Variants in GLDC observed in about 807,000 individuals in gnomAD.
The protein encoded by GLDC is glycine decarboxylase.
In GLDC, 104 loss-of-function variants were observed where a neutral mutation model predicts 121.3. The observed-to-expected ratio is 0.86, with a 90% CI of 0.73 to 1.01. The LOEUF (loss-of-function observed/expected upper bound fraction) is 1.01, where lower values mean the gene tolerates loss of function less well. GLDC is among the 50% of genes least tolerant of loss of function. The pLI, the probability that GLDC is intolerant of heterozygous loss-of-function variation, is 0.00. For missense variants in GLDC, 1,429 were observed against 1,306.6 expected (o/e 1.09, Z -1.44); for synonymous variants, 546 against 480.6 (o/e 1.14, Z -1.78).
intron 21 of GLDC, among the ~76,000 whole-genome samples, chr9:6,545,558 C>A (rs1359386700): frequency 6.6e-6 from 1 of 152,132 alleles, no homozygotes; most frequent in African/African-American, 2.4e-5. Context: ...CTACCATAGA[C>A]TTTGTGAACG....
intron 16 of GLDC, among the ~76,000 whole-genome samples, chr9:6,559,991 T>C (rs377739014): frequency 6.6e-6 from 1 of 152,186 alleles, no homozygotes; most frequent in Non-Finnish European, 1.5e-5. Flanking sequence ...CCTCAAGAGC[T>C]GAGCCTAAGT....
chr9:6,616,616 G>T (rs894515045), intron 3 of GLDC, among the ~76,000 whole-genome samples: 3 of 152,228 alleles, frequency 2.0e-5, no homozygotes, highest in Admixed American at 6.6e-5. Flanking sequence ...ACTCAATTAG[G>T]TAAAACATAG....
intron 2 of GLDC, among the ~76,000 whole-genome samples, chr9:6,631,259 A>C (rs1819371713): frequency 6.6e-6 from 1 of 152,094 alleles, no homozygotes; most frequent in African/African-American, 2.4e-5. Context: ...GGACACCTCC[A>C]CTCAAAAGGA....
At chr9:6,584,443 T>G (rs771646645) in intron 15 of GLDC, among the ~76,000 whole-genome samples, 1 of 152,216 alleles carries the variant, frequency 6.6e-6, no homozygotes. Flanking sequence ...TTAGCCAATA[T>G]GTAAGCCCTG....
chr9:6,612,247 T>C (rs955237847), intron 3 of GLDC, among the ~76,000 whole-genome samples: 4 of 135,540 alleles, frequency 3.0e-5, no homozygotes, highest in Middle Eastern at 3.6e-3. Flanking sequence ...TTTCTCTCTC[T>C]CTCTCTCACA....
chr9:6,549,933 C>A (rs905934260), intron 21 of GLDC, among the ~76,000 whole-genome samples: 6 of 152,196 alleles, frequency 3.9e-5, no homozygotes, highest in Non-Finnish European at 7.3e-5. Context: ...GGGTGAAGTC[C>A]AGAGCCTTCC....
chr9:6,617,371 A>G lies in GLDC; in HGVS notation c.470+2813T>C, dbSNP rs148558346. ...AACATCCGCCCACAGCCAGAAAGCA[A>G]TATGGTGAATATTCTTTATGGCCAC... On this transcript the variant is annotated intron_variant, in intron 3 of 24. Transcript: ENST00000321612. Among the ~76,000 whole-genome samples, 756 of 152,322 alleles carry G rather than the reference A, an allele frequency of 5.0e-3. 6 individuals are homozygous for G. The highest frequency in any genetic ancestry group is 0.018 in the African/African-American group (730 of 41,576).
chr9:6,638,031 A>G (rs766870064), intron 2 of GLDC, among the ~76,000 whole-genome samples: 1 of 151,932 alleles, frequency 6.6e-6, no homozygotes, highest in Admixed American at 6.6e-5. Flanking sequence ...TTACCATGAT[A>G]TACTTCGACA....
chr9:6,599,687 T>C (rs7867577), intron 8 of GLDC, among the ~76,000 whole-genome samples: 79,866 of 147,746 alleles, frequency 0.54, 22,068 homozygotes, highest in African/African-American at 0.59. Context: ...GGCCGCTGCA[T>C]GCCAGCCTGG....
intron 21 of GLDC, chr9:6,541,585 G>A (rs1022204336): frequency 6.6e-6 from 1 of 152,114 alleles, no homozygotes; most frequent in Admixed American, 6.5e-5. Context: ...CACGTTGGGA[G>A]GCTGAGGCAG....
rs1554641887 is a variant in GLDC at position 6,536,062 on chromosome 9, A to G, written c.2838+2T>C. ...TCAAGCAATGTTCCAGGGCCTACGC[A>G]CCTTCAGCGGATTGACCCTGGGGTC... On this transcript the variant is annotated splice_donor_variant, in intron 23 of 24. Transcript: ENST00000321612. LOFTEE classifies it high-confidence loss of function. The G allele has an allele frequency of 2.5e-6, 4 of 1,612,026 alleles. No homozygotes were observed. The highest frequency in any genetic ancestry group is 3.4e-6 in the Non-Finnish European group (4 of 1,178,674).
intron 15 of GLDC, chr9:6,566,549 CT>C (rs1359534533): frequency 1.3e-5 from 2 of 152,198 alleles, no homozygotes; most frequent in Non-Finnish European, 2.9e-5. Flanking sequence ...CTGTTAGGGG[CT>C]GGCCATCCTC....
At chr9:6,549,343 G>T (rs1346736891) in intron 21 of GLDC, among the ~76,000 whole-genome samples, 1 of 140,434 alleles carries the variant, frequency 7.1e-6, no homozygotes, top group African/African-American at 2.5e-5. Context: ...GAGAGCAGCT[G>T]CTCCGGGGTG....
chr9:6,551,397 C>T (rs1296824358), intron 20 of GLDC, among the ~76,000 whole-genome samples: 1 of 152,156 alleles, frequency 6.6e-6, no homozygotes, highest in Non-Finnish European at 1.5e-5. Context: ...TCAATCTTGT[C>T]CTGGTAGTTA....
intron 22 of GLDC, among the ~76,000 whole-genome samples, chr9:6,539,753 G>T (rs185201611): frequency 6.6e-6 from 1 of 152,272 alleles, no homozygotes; most frequent in East Asian, 1.9e-4. Context: ...TGGGTTACTT[G>T]CTCTGTCTCC....
intron 15 of GLDC, among the ~76,000 whole-genome samples, chr9:6,566,991 C>T (rs1423988763): frequency 6.6e-6 from 1 of 152,142 alleles, no homozygotes; most frequent in African/African-American, 2.4e-5. Context: ...CCCAGAGCTA[C>T]GGGCTCCCTT....
intron 8 of GLDC, among the ~76,000 whole-genome samples, chr9:6,597,754 G>C (rs1818518745): frequency 6.6e-6 from 1 of 152,006 alleles, no homozygotes; most frequent in Admixed American, 6.6e-5. Context: ...GGCTAACATG[G>C]TGAAACCCTG....
chr9:6,558,695 G>A lies in GLDC; in HGVS notation c.1927-11C>T. On this transcript the variant is annotated splice_polypyrimidine_tract_variant and intron_variant, in intron 16 of 24. Transcript: ENST00000321612. ...CGGAATGAGGCAAACCTACAGAATA[G>A]AAAGGAAGCAAAGAAAGAGCAAAAT... The A allele has an allele frequency of 6.2e-7, 1 of 1,614,096 alleles. No individual in the cohort carries two copies. Among genetic ancestry groups the A allele is most frequent in the Non-Finnish European group, 8.5e-7 (1 of 1,179,970 alleles).
At chr9:6,544,724 C>T (rs2129682585) in intron 21 of GLDC, among the ~76,000 whole-genome samples, 1 of 134,666 alleles carries the variant, frequency 7.4e-6, no homozygotes, top group African/African-American at 3.4e-5. Context: ...TCATCTCCTC[C>T]TACTAATGGG....
Sources: allele counts gnomAD v4.1 joint callset (sites outside exome capture counted in the v4.1 genomes callset), GRCh38; gene constraint gnomAD v4.1.1; transcripts MANE v1.5; gene names NCBI Gene and HGNC (gene_info 2026-07-23, HGNC 2026-07-21).